Variants in CCNY observed in about 807,000 individuals in gnomAD.
CCNY encodes the protein cyclin-Y.
Under a neutral mutation model 42.8 loss-of-function variants are expected in CCNY, and 19 were observed. That is an observed-to-expected ratio of 0.44 (90% confidence interval 0.31 to 0.65). CCNY has a LOEUF of 0.65. Among genes scored for constraint, CCNY ranks in the 30% least tolerant of loss-of-function variants. CCNY has a pLI of 0.07. For missense variants in CCNY, 370 were observed against 437.3 expected (o/e 0.85, Z 1.37); for synonymous variants, 165 against 162.7 (o/e 1.01, Z -0.11).
At chr10:35,529,905 A>T in intron 5 of CCNY, 68 bp from the exon 6 acceptor site, 16 of 1,297,258 alleles carry the variant, frequency 1.2e-5, no homozygotes, top group Middle Eastern at 2.0e-4. Flanking sequence ...ATTAAAATGT[A>T]TTTTTGTTTT....
chr10:35,524,238 A>G (rs2135416952), intron 4 of CCNY, among the ~76,000 whole-genome samples: 1 of 152,228 alleles, frequency 6.6e-6, no homozygotes, highest in Non-Finnish European at 1.5e-5. Context: ...CACTTTGAAA[A>G]CCTTACTATT....
At chr10:35,323,030 G>A (rs979504046) in intron 3 of CCNY, among the ~76,000 whole-genome samples, 1 of 152,110 alleles carries the variant, frequency 6.6e-6, no homozygotes, top group East Asian at 1.9e-4. Context: ...AGGTTCAAGC[G>A]ATTCTCCTGC....
At chr10:35,457,676 G>T (rs1243311919) in intron 1 of CCNY, among the ~76,000 whole-genome samples, 3 of 151,982 alleles carry the variant, frequency 2.0e-5, no homozygotes, top group African/African-American at 7.3e-5. Flanking sequence ...CACCTCCCAG[G>T]TTCACACCAT....
intron 1 of CCNY, among the ~76,000 whole-genome samples, chr10:35,416,190 T>TGTCC (rs1564402675): frequency 6.6e-6 from 1 of 151,952 alleles, no homozygotes; most frequent in Non-Finnish European, 1.5e-5. Context: ...TGTGTGTGTG[T>TGTCC]GTGTCCTTGT....
rs1392348490 is a variant in CCNY at position 35,559,908 on chromosome 10, G to C, written c.747-6115G>C. Among the ~76,000 whole-genome samples the C allele has an allele frequency of 3.3e-5, 5 of 152,350 alleles. No homozygotes were observed. In the East Asian group the frequency reaches 9.7e-4, roughly 29 times the overall value. Reference sequence around the variant, plus strand: ...GGGTGGGTGATGGCGCATCAGCAGAGAGGACTTAAGTCTTCAATCCCTGGA... The same window carrying C: ...GGGTGGGTGATGGCGCATCAGCAGACAGGACTTAAGTCTTCAATCCCTGGA... On this transcript the variant is annotated intron_variant, in intron 8 of 9. Transcript: ENST00000374704.
At chr10:35,335,645 G>A (rs1360394176), upstream of CCNY, among the ~76,000 whole-genome samples, 2 of 152,014 alleles carry the variant, frequency 1.3e-5, no homozygotes, top group Admixed American at 6.6e-5. Context: ...TTGAAGACAG[G>A]AGTTCGATAC....
intron 3 of CCNY, chr10:35,250,859 G>A (rs887057718): frequency 1.3e-5 from 2 of 152,196 alleles, no homozygotes; most frequent in African/African-American, 4.8e-5. Context: ...GACAATTGCT[G>A]TGATCTTGGG....
intron 1 of CCNY, among the ~76,000 whole-genome samples, chr10:35,456,594 G>A (rs1223681986): frequency 1.3e-5 from 2 of 152,080 alleles, no homozygotes. Context: ...ATTCAGAACC[G>A]CTCTGCCTTG....
chr10:35,410,499 T>C (rs986275713), intron 1 of CCNY, among the ~76,000 whole-genome samples: 1 of 152,198 alleles, frequency 6.6e-6, no homozygotes, highest in South Asian at 2.1e-4. Context: ...GGGAAAAAAA[T>C]GTCACAAAGT....
intron 1 of CCNY, among the ~76,000 whole-genome samples, chr10:35,365,385 A>G (rs1046207810): frequency 3.0e-4 from 46 of 152,234 alleles, no homozygotes; most frequent in Admixed American, 2.7e-3. Context: ...AAGCCAATAC[A>G]TAGATTCATT....
intron 1 of CCNY, among the ~76,000 whole-genome samples, chr10:35,342,344 C>A (rs1048189035): frequency 6.6e-6 from 1 of 152,234 alleles, no homozygotes; most frequent in African/African-American, 2.4e-5. Flanking sequence ...GACTTTCTTT[C>A]CAGGCTAAGA....
chr10:35,416,874 C>G (rs1838035952), intron 1 of CCNY, among the ~76,000 whole-genome samples: 1 of 152,068 alleles, frequency 6.6e-6, no homozygotes, highest in South Asian at 2.1e-4. Flanking sequence ...ACACTCTAGA[C>G]TAGAGGAAAC....
intron 3 of CCNY, among the ~76,000 whole-genome samples, chr10:35,295,398 A>AC (rs1403072020): frequency 1.3e-5 from 2 of 151,548 alleles, no homozygotes; most frequent in Non-Finnish European, 2.9e-5. Flanking sequence ...CGCCTGGCTA[A>AC]TTTTGTATTT....
chr10:35,531,566 C>T (rs1171745468), intron 7 of CCNY, among the ~76,000 whole-genome samples: 26 of 152,104 alleles, frequency 1.7e-4, no homozygotes, highest in Admixed American at 1.7e-3. Context: ...TAAGTTCTAA[C>T]CAAAACACGC....
intron 1 of CCNY, among the ~76,000 whole-genome samples, chr10:35,462,421 TTC>T (rs924384383): frequency 3.3e-5 from 5 of 152,218 alleles, no homozygotes; most frequent in Admixed American, 3.3e-4. Context: ...CATCTCACCC[TTC>T]TGGTATTGCT....
chr10:35,305,865 C>T (rs1835600240), intron 3 of CCNY, among the ~76,000 whole-genome samples: 1 of 152,042 alleles, frequency 6.6e-6, no homozygotes, highest in African/African-American at 2.4e-5. Context: ...CCAGTCTGAC[C>T]CCTTGTAAGA....
intron 1 of CCNY, among the ~76,000 whole-genome samples, chr10:35,452,663 T>C (rs895565324): frequency 2.6e-5 from 4 of 151,780 alleles, no homozygotes; most frequent in Non-Finnish European, 5.9e-5. Context: ...TTAATGATAA[T>C]TGAAAAACTG....
At chr10:35,363,719 G>C (rs1471723474) in intron 1 of CCNY, among the ~76,000 whole-genome samples, 3 of 152,146 alleles carry the variant, frequency 2.0e-5, no homozygotes, top group Non-Finnish European at 4.4e-5. Context: ...TCAGAGGAAA[G>C]CTTTTAAAAG....
chr10:35,336,962 C>A lies in CCNY; in HGVS notation c.-92C>A, dbSNP rs1336401073. ...CGGCGAGCGGGCGGGCCTCCCCACA[C>A]GCCCCCGCCGCCCGCGCCCCGCGTC... On this transcript the variant is annotated 5_prime_UTR_variant, in exon 1 of 10. Transcript: ENST00000374704. 1 of 1,062,218 alleles carries A rather than the reference C, an allele frequency of 9.4e-7. No homozygotes were observed. The highest frequency in any genetic ancestry group is 1.7e-5 in the African/African-American group (1 of 59,494). 65.8% of individuals were successfully genotyped at this position (1,062,218 alleles called of 1,614,324 possible). A position where few individuals can be genotyped will look rare whatever the true frequency, so the allele number is the denominator to read the frequency against.
Sources: gnomAD v4.1 joint callset for allele counts (sites outside exome capture counted in the v4.1 genomes callset) on GRCh38, gnomAD v4.1.1 for gene constraint, MANE v1.5 for transcripts, NCBI Gene and HGNC (gene_info 2026-07-23, HGNC 2026-07-21) for gene names.